FRYL: variants seen among roughly 807,000 people sequenced by gnomAD.
FRYL encodes protein furry homolog-like.
Under a neutral mutation model 351.2 loss-of-function variants are expected in FRYL, and 150 were observed. That is an observed-to-expected ratio of 0.43 (90% CI 0.37 to 0.49). The LOEUF is 0.49. Ranked by LOEUF, FRYL falls within the 20% of genes least tolerant of loss-of-function variation. The pLI is 0.00. For missense variants in FRYL, 3,036 were observed against 3,619.3 expected (o/e 0.84, Z 4.13); for synonymous variants, 1,153 against 1,257.1 (o/e 0.92, Z 1.75).
At chr4:48,732,347 G>T (rs754734280) in intron 1 of FRYL, among the ~76,000 whole-genome samples, 2 of 152,060 alleles carry the variant, frequency 1.3e-5, no homozygotes, top group Non-Finnish European at 2.9e-5. Context: ...ATTAGTTCAA[G>T]CATTGTGGAA....
At chr4:48,551,254 A>G (rs569404427) in intron 37 of FRYL, among the ~76,000 whole-genome samples, 2 of 152,328 alleles carry the variant, frequency 1.3e-5, no homozygotes, top group African/African-American at 4.8e-5. Context: ...TAAGCAATAC[A>G]AAAAGTGACT....
intron 55 of FRYL, among the ~76,000 whole-genome samples, chr4:48,518,073 T>C (rs1393603667): frequency 6.6e-6 from 1 of 152,226 alleles, no homozygotes; most frequent in Non-Finnish European, 1.5e-5. Flanking sequence ...ATAGCCATTC[T>C]TTTGGTGACA....
chr4:48,653,665 GATA>G (rs1487553220), intron 3 of FRYL: 14 of 1,222,142 alleles, frequency 1.1e-5, no homozygotes, highest in Admixed American at 2.4e-5. Flanking sequence ...GAATGGCAAT[GATA>G]ATAATACCTC....
intron 3 of FRYL, chr4:48,637,155 A>G (rs2149380819): frequency 6.6e-6 from 1 of 152,236 alleles, no homozygotes; most frequent in Admixed American, 6.5e-5. Flanking sequence ...AAACTGAAAC[A>G]AGGACAAGGA....
chr4:48,653,045 T>C (rs766830470), intron 3 of FRYL, among the ~76,000 whole-genome samples: 10 of 152,184 alleles, frequency 6.6e-5, no homozygotes, highest in Non-Finnish European at 1.0e-4. Context: ...TTGAGATCTT[T>C]AAAGGAAAAA....
chr4:48,693,007 G>A (rs1765812461), intron 2 of FRYL, among the ~76,000 whole-genome samples: 1 of 152,096 alleles, frequency 6.6e-6, no homozygotes, highest in African/African-American at 2.4e-5. Flanking sequence ...ATTTCAAATG[G>A]TATGAAATAC....
At chr4:48,513,015 A>G (rs889188015) in intron 56 of FRYL, among the ~76,000 whole-genome samples, 1 of 152,144 alleles carries the variant, frequency 6.6e-6, no homozygotes, top group Non-Finnish European at 1.5e-5. Context: ...TCAATGGTCA[A>G]TTTTGGAGGC....
intron 1 of FRYL, among the ~76,000 whole-genome samples, chr4:48,716,007 A>G (rs1311384878): frequency 6.6e-6 from 1 of 152,202 alleles, no homozygotes; most frequent in Non-Finnish European, 1.5e-5. Flanking sequence ...CAAACCTGAG[A>G]AAAACAAGCA....
chr4:48,502,374 C>G (rs1278961423), intron 61 of FRYL, among the ~76,000 whole-genome samples: 1 of 151,988 alleles, frequency 6.6e-6, no homozygotes, highest in African/African-American at 2.4e-5. Flanking sequence ...AACCCCGTCT[C>G]TACTAAAAAT....
intron 19 of FRYL, among the ~76,000 whole-genome samples, chr4:48,583,395 C>T (rs1741348525): frequency 6.6e-6 from 1 of 152,102 alleles, no homozygotes; most frequent in Non-Finnish European, 1.5e-5. Context: ...TCATGATCTG[C>T]CCGCCTCGGC....
intron 7 of FRYL, among the ~76,000 whole-genome samples, chr4:48,610,609 T>C (rs1747876376): frequency 6.8e-6 from 1 of 148,032 alleles, no homozygotes; most frequent in Non-Finnish European, 1.5e-5. Flanking sequence ...TCAATATGTA[T>C]ACCTATATAC....
In FRYL at chr4:48,570,882, C is replaced by T; in HGVS notation, c.2941G>A (p.Val981Ile). 1 of 1,613,920 alleles carries T rather than the reference C, an allele frequency of 6.2e-7. No homozygotes were observed. The highest frequency in any genetic ancestry group is 8.5e-7 in the Non-Finnish European group (1 of 1,179,804). The part of the protein sequence containing the change: ...KRRRRRDILR[V>I]QLVRIFELLA... ...AGTTCAAATATTCGTACCAGTTGTA[C>T]TCGTAAAATGTCTCGACGCCTGCGC... The change falls in exon 27 of 64, where the codon GTA (valine) becomes ATA (isoleucine). Residue 981 changes from valine (V) to isoleucine (I), a missense_variant. Physicochemically the swap from Val to Ile is conservative, Grantham distance 29. This residue lies in a region of FRYL where 492 missense variants were observed against 551.5 expected (regional missense o/e 0.89). Coordinates refer to ENST00000358350, the MANE Select transcript of FRYL (RefSeq NM_015030.2).
intron 28 of FRYL, among the ~76,000 whole-genome samples, chr4:48,566,610 T>G (rs1736852250): frequency 6.6e-6 from 1 of 152,226 alleles, no homozygotes; most frequent in African/African-American, 2.4e-5. Flanking sequence ...ACAACCCATG[T>G]TCTTTAGGTA....
chr4:48,558,448 A>T (rs920399437), intron 33 of FRYL, among the ~76,000 whole-genome samples: 1 of 152,232 alleles, frequency 6.6e-6, no homozygotes, highest in African/African-American at 2.4e-5. Flanking sequence ...AGGGAAAAGC[A>T]GGATTGTTGT....
intron 2 of FRYL, among the ~76,000 whole-genome samples, chr4:48,703,864 C>T (rs1767023369): frequency 1.3e-5 from 2 of 152,104 alleles, no homozygotes; most frequent in Admixed American, 1.3e-4. Flanking sequence ...TCAACAAATA[C>T]TTGTTGAATA....
chr4:48,774,949 G>T (rs1219802289), intron 1 of FRYL, among the ~76,000 whole-genome samples: 1 of 152,188 alleles, frequency 6.6e-6, no homozygotes, highest in African/African-American at 2.4e-5. Flanking sequence ...TTACTACTAT[G>T]TCAGCAAAAT....
intron 1 of FRYL, among the ~76,000 whole-genome samples, chr4:48,716,171 C>T (rs1432277683): frequency 1.3e-5 from 2 of 151,748 alleles, no homozygotes. Context: ...CCGTAAAAAC[C>T]CTAGAAGAAA....
At chr4:48,715,460 G>A (rs1233652034) in intron 1 of FRYL, among the ~76,000 whole-genome samples, 5 of 151,818 alleles carry the variant, frequency 3.3e-5, no homozygotes, top group Non-Finnish European at 5.9e-5. Context: ...AAAATCACAA[G>A]CATTCTTATA....
At chr4:48,742,573 C>T (rs1470813161) in intron 1 of FRYL, among the ~76,000 whole-genome samples, 2 of 152,118 alleles carry the variant, frequency 1.3e-5, no homozygotes, top group Admixed American at 6.6e-5. Context: ...CAGTTATTCC[C>T]TACTGTAACA....
Sources: allele counts gnomAD v4.1 joint callset (sites outside exome capture counted in the v4.1 genomes callset), GRCh38; gene constraint gnomAD v4.1.1; regional missense constraint gnomAD v4.1.1; transcripts MANE v1.5; gene names NCBI Gene and HGNC (gene_info 2026-07-23, HGNC 2026-07-21).